TBC1D8: variants seen among roughly 807,000 people sequenced by gnomAD.
The protein encoded by TBC1D8 is BUB2-like protein 1.
In TBC1D8, 65 loss-of-function variants were observed where a neutral mutation model predicts 118.8. The observed-to-expected ratio is 0.55, with a 90% confidence interval of 0.45 to 0.67. The LOEUF (loss-of-function observed/expected upper bound fraction) is 0.67, where lower values mean the gene tolerates loss of function less well. Ranked by LOEUF, TBC1D8 falls within the 30% of genes least tolerant of loss-of-function variation. The probability of loss-of-function intolerance (pLI) is 0.00; values close to 1 mark genes in which losing one functional copy is unlikely to be tolerated. For synonymous variants in TBC1D8, 566 were observed against 595.8 expected, an observed-to-expected ratio of 0.95 and a Z score of 0.73; for missense variants, 1,376 against 1,471.2, an observed-to-expected ratio of 0.94 and a Z score of 1.06.
At chr2:101,111,791 T>C (rs914439027) in intron 1 of TBC1D8, among the ~76,000 whole-genome samples, 1 of 152,038 alleles carries the variant, frequency 6.6e-6, no homozygotes, top group Non-Finnish European at 1.5e-5. Context: ...TTTTGCAGGA[T>C]GAAAAGAATC....
chr2:101,135,421 A>T (rs1035172871), intron 1 of TBC1D8, among the ~76,000 whole-genome samples: 1 of 152,132 alleles, frequency 6.6e-6, no homozygotes, highest in African/African-American at 2.4e-5. Flanking sequence ...AACTAATAAA[A>T]AAAAAAAAAT....
intron 2 of TBC1D8, among the ~76,000 whole-genome samples, chr2:101,075,711 T>C (rs1020671459): frequency 4.6e-5 from 7 of 152,196 alleles, no homozygotes; most frequent in Non-Finnish European, 1.0e-4. Context: ...TCCCCAGCCA[T>C]GCTGAGCTGT....
At chr2:101,037,482 A>C in intron 8 of TBC1D8, 50 bp downstream of exon 8, 1 of 1,588,286 alleles carries the variant, frequency 6.3e-7, no homozygotes, top group Non-Finnish European at 8.5e-7. Flanking sequence ...AACCCCCCCA[A>C]GCCCACGGCT....
chr2:101,114,205 T>C (rs1006516873), intron 1 of TBC1D8, among the ~76,000 whole-genome samples: 18 of 152,212 alleles, frequency 1.2e-4, no homozygotes, highest in African/African-American at 4.3e-4. Context: ...CATATTTACT[T>C]GATTTTTATG....
At chr2:101,118,964 G>C (rs895734666) in intron 1 of TBC1D8, among the ~76,000 whole-genome samples, 1 of 152,034 alleles carries the variant, frequency 6.6e-6, no homozygotes, top group Admixed American at 6.6e-5. Flanking sequence ...GAGCTGTGAC[G>C]ACACCACTAC....
intron 1 of TBC1D8, among the ~76,000 whole-genome samples, chr2:101,110,282 T>C (rs1278556149): frequency 6.6e-6 from 1 of 152,214 alleles, no homozygotes; most frequent in African/African-American, 2.4e-5. Flanking sequence ...ATGGTTTTTA[T>C]AACCACTGTG....
At chr2:101,008,422 A>G (rs1403906597) in intron 19 of TBC1D8, 149 bp from the exon 20 acceptor site, 3 of 683,764 alleles carry the variant, frequency 4.4e-6, no homozygotes, top group Non-Finnish European at 7.0e-6. Context: ...TTTCCACTCT[A>G]AACTATTAAC....
Position 101,022,529 on chromosome 2 carries a change from CAA to C in TBC1D8, c.2521-10_2521-9del, listed in dbSNP as rs751578720. 6.1e-5 allele frequency: 97 copies of C among 1,587,516 alleles called. No homozygotes were observed. Among genetic ancestry groups the C allele is most frequent in the African/African-American group, 6.0e-4 (44 of 73,370 alleles). On this transcript the variant is annotated splice_polypyrimidine_tract_variant and intron_variant, in intron 15 of 19. Transcript: ENST00000409318. The stretch of plus-strand genomic sequence containing the variant: ...GCTCATCATATGTTCTCTCTTCAAA[CAA>C]GAGGGGGAAAGGGAGTTCTTACCAC...
At chr2:101,095,619 A>G (rs1676368587) in intron 1 of TBC1D8, among the ~76,000 whole-genome samples, 1 of 152,010 alleles carries the variant, frequency 6.6e-6, no homozygotes, top group Admixed American at 6.6e-5. Context: ...TCCATGGTGT[A>G]TATGTGCCAC....
At chr2:101,150,004 G>T (rs1679486947) in intron 1 of TBC1D8, among the ~76,000 whole-genome samples, 2 of 152,150 alleles carry the variant, frequency 1.3e-5, no homozygotes, top group South Asian at 2.1e-4. Flanking sequence ...GCAGCAACCT[G>T]CCAACTCCCA....
intron 1 of TBC1D8, among the ~76,000 whole-genome samples, chr2:101,105,025 CAAAAA>C (rs4069926): frequency 8.6e-6 from 1 of 115,676 alleles, no homozygotes; most frequent in Non-Finnish European, 1.7e-5. Context: ...AACTCTATCT[CAAAAA>C]AAAAAAAAAA....
chr2:101,081,054 G>C (rs577716673), intron 2 of TBC1D8, among the ~76,000 whole-genome samples: 1 of 152,248 alleles, frequency 6.6e-6, no homozygotes, highest in East Asian at 1.9e-4. Flanking sequence ...GGGATTATGG[G>C]AGCAAGCCAC....
At chr2:101,130,843 G>A (rs1030066247) in intron 1 of TBC1D8, among the ~76,000 whole-genome samples, 5 of 152,062 alleles carry the variant, frequency 3.3e-5, no homozygotes, top group Admixed American at 3.3e-4. Context: ...TCTTTTCCAA[G>A]GTCTTCATTC....
At chr2:101,090,499 C>A in intron 1 of TBC1D8, 135 bp from the exon 2 acceptor site, 1 of 940,290 alleles carries the variant, frequency 1.1e-6, no homozygotes, top group South Asian at 1.7e-5. Flanking sequence ...TTCTTCAACT[C>A]ACCTCACAAA....
At chr2:101,104,864 A>C (rs1677091572) in intron 1 of TBC1D8, among the ~76,000 whole-genome samples, 2 of 152,106 alleles carry the variant, frequency 1.3e-5, no homozygotes, top group Admixed American at 1.3e-4. Flanking sequence ...AAATACAAAA[A>C]TTAGCCGGGC....
intron 15 of TBC1D8, among the ~76,000 whole-genome samples, chr2:101,024,441 T>C (rs887665266): frequency 1.4e-5 from 2 of 144,476 alleles, no homozygotes; most frequent in Admixed American, 7.2e-5. Flanking sequence ...AGTCTCACTC[T>C]TGTTGCCCAG....
chr2:101,079,136 G>C (rs1196430082), intron 2 of TBC1D8, among the ~76,000 whole-genome samples: 1 of 152,100 alleles, frequency 6.6e-6, no homozygotes, highest in East Asian at 1.9e-4. Flanking sequence ...TTATCATTAA[G>C]GAATCATTTA....
chr2:101,109,648 G>A (rs1294258773), intron 1 of TBC1D8, among the ~76,000 whole-genome samples: 2 of 152,244 alleles, frequency 1.3e-5, no homozygotes, highest in African/African-American at 4.8e-5. Flanking sequence ...CCACGTGCAT[G>A]TTTTCTCATC....
intron 4 of TBC1D8, among the ~76,000 whole-genome samples, chr2:101,050,972 T>C (rs1278665919): frequency 1.3e-5 from 2 of 152,224 alleles, no homozygotes; most frequent in African/African-American, 4.8e-5. Flanking sequence ...CCATGGGTTC[T>C]CATCATTTAG....
Sources: allele counts gnomAD v4.1 joint callset (sites outside exome capture counted in the v4.1 genomes callset), GRCh38; gene constraint gnomAD v4.1.1; transcripts MANE v1.5; gene names NCBI Gene and HGNC (gene_info 2026-07-23, HGNC 2026-07-21).